TRIM44: variants seen among roughly 807,000 people sequenced by gnomAD.
TRIM44 encodes the protein tripartite motif-containing protein 44.
In TRIM44, 13 loss-of-function variants were observed where a neutral mutation model predicts 37.4. That is an observed-to-expected ratio of 0.35 (90% CI 0.23 to 0.55). The LOEUF (loss-of-function observed/expected upper bound fraction) is 0.55, where lower values mean the gene tolerates loss of function less well. Among genes scored for constraint, TRIM44 ranks in the 20% least tolerant of loss-of-function variants. The pLI is 0.89. For missense variants in TRIM44, 426 were observed against 437.2 expected (o/e 0.97, Z 0.23); for synonymous variants, 175 against 157.2 (o/e 1.11, Z -0.85).
chr11:35,714,769 TCACTTTCCACCTCC>T (rs1852018292), intron 2 of TRIM44, among the ~76,000 whole-genome samples: 1 of 152,148 alleles, frequency 6.6e-6, no homozygotes, highest in African/African-American at 2.4e-5. Context: ...ACTTTCAGTG[TCACTTTCCACCTCC>T]CACTTCTACA....
rs1281880249 is a variant in TRIM44 at position 35,816,311 on chromosome 11, C to CATACG, written c.*9926_*9927insATACG. 2 of 152,136 alleles carry CATACG rather than the reference C, an allele frequency of 1.3e-5. No homozygotes were observed. Among genetic ancestry groups the CATACG allele is most frequent in the Non-Finnish European group, 2.9e-5 (2 of 68,026 alleles). The allele number at this position is 152,136 out of a possible 1,614,324, so 9.4% of individuals were successfully genotyped here. A position where few individuals can be genotyped will look rare whatever the true frequency, so the allele number is the denominator to read the frequency against. ...AAGAGAAAATAAATAAGGTGTGGTG[C>CATACG]GTATCCATCCTCTTCCCAACTCAGC... On this transcript the variant is annotated 3_prime_UTR_variant, in exon 5 of 5. Transcript: ENST00000299413.
At chr11:35,708,805 A>C (rs112183042) in intron 2 of TRIM44, among the ~76,000 whole-genome samples, 125 of 152,126 alleles carry the variant, frequency 8.2e-4, no homozygotes, top group African/African-American at 2.9e-3. Context: ...GGATATACCT[A>C]ATGCTAAATG....
chr11:35,791,652 G>T (rs910305432), intron 4 of TRIM44, among the ~76,000 whole-genome samples: 1 of 152,110 alleles, frequency 6.6e-6, no homozygotes, highest in African/African-American at 2.4e-5. Context: ...TCAAGAGTTT[G>T]TTCAAGCTGT....
At chr11:35,686,117 T>G (rs921799178) in intron 2 of TRIM44, among the ~76,000 whole-genome samples, 9 of 151,954 alleles carry the variant, frequency 5.9e-5, no homozygotes, top group Non-Finnish European at 1.0e-4. Flanking sequence ...GTTTGGAAAC[T>G]GGTTTAAGTG....
At chr11:35,714,550 A>G (rs1852015919) in intron 2 of TRIM44, among the ~76,000 whole-genome samples, 1 of 152,148 alleles carries the variant, frequency 6.6e-6, no homozygotes, top group South Asian at 2.1e-4. Context: ...TTGTGGCAGT[A>G]TGCAGTTGTT....
intron 2 of TRIM44, among the ~76,000 whole-genome samples, chr11:35,702,486 G>A (rs1851803027): frequency 6.6e-6 from 1 of 152,176 alleles, no homozygotes; most frequent in Admixed American, 6.5e-5. Context: ...GGACATTTTT[G>A]TGTTTAAAAG....
At chr11:35,779,850 AG>A (rs1272784860) in intron 4 of TRIM44, among the ~76,000 whole-genome samples, 1 of 147,620 alleles carries the variant, frequency 6.8e-6, no homozygotes, top group East Asian at 2.0e-4. Flanking sequence ...TTTATTGAAT[AG>A]GGAGATCTTT....
At chr11:35,695,643 C>T (rs1851687613) in intron 2 of TRIM44, among the ~76,000 whole-genome samples, 1 of 152,092 alleles carries the variant, frequency 6.6e-6, no homozygotes, top group South Asian at 2.1e-4. Flanking sequence ...TTTGTGTGCT[C>T]ATGAAGTTTT....
At chr11:35,744,882 C>G (rs191442585) in intron 4 of TRIM44, among the ~76,000 whole-genome samples, 234 of 152,234 alleles carry the variant, frequency 1.5e-3, no homozygotes, top group Non-Finnish European at 3.0e-3. Context: ...CATCCATGCC[C>G]CTGAAAAGGA....
chr11:35,757,940 A>C (rs533965956), intron 4 of TRIM44, among the ~76,000 whole-genome samples: 2 of 152,290 alleles, frequency 1.3e-5, no homozygotes, highest in East Asian at 3.9e-4. Flanking sequence ...ATTTTGGAAT[A>C]GGTGTGATGT....
intron 2 of TRIM44, among the ~76,000 whole-genome samples, chr11:35,714,939 A>G (rs1469525906): frequency 1.3e-5 from 2 of 152,152 alleles, no homozygotes; most frequent in Non-Finnish European, 2.9e-5. Flanking sequence ...ACATTCTTCT[A>G]GTTTCATATT....
intron 1 of TRIM44, among the ~76,000 whole-genome samples, chr11:35,665,698 G>A (rs1024227421): frequency 6.3e-5 from 9 of 143,038 alleles, no homozygotes; most frequent in South Asian, 2.3e-4. Context: ...AGGTTCAAAC[G>A]ATTCTCCTGC....
intron 3 of TRIM44, among the ~76,000 whole-genome samples, chr11:35,732,352 G>A (rs928007132): frequency 2.0e-5 from 3 of 152,180 alleles, no homozygotes; most frequent in African/African-American, 7.2e-5. Flanking sequence ...TTTGGGAGCA[G>A]TGCTTAATCT....
chr11:35,750,236 G>T (rs1290836848), intron 4 of TRIM44, among the ~76,000 whole-genome samples: 1 of 152,158 alleles, frequency 6.6e-6, no homozygotes, highest in East Asian at 1.9e-4. Context: ...TGCAGTCCTT[G>T]TTTTCATGGC....
At chr11:35,802,103 T>C (rs71480089) in intron 4 of TRIM44, among the ~76,000 whole-genome samples, 2,565 of 152,310 alleles carry the variant, frequency 0.017, 34 homozygotes, top group Non-Finnish European at 0.027. Flanking sequence ...GCAAAGCCAA[T>C]TTTGGTGGTC....
chr11:35,744,194 C>T (rs1048963913), intron 4 of TRIM44, among the ~76,000 whole-genome samples: 4 of 152,070 alleles, frequency 2.6e-5, no homozygotes, highest in African/African-American at 9.6e-5. Context: ...ATTAGAGTAG[C>T]CAGATAAAAT....
chr11:35,674,235 C>T (rs1053927548), intron 1 of TRIM44, among the ~76,000 whole-genome samples: 38 of 149,880 alleles, frequency 2.5e-4, no homozygotes, highest in African/African-American at 9.1e-4. Context: ...AGAGAATTTG[C>T]GTGTGTGTGT....
intron 1 of TRIM44, among the ~76,000 whole-genome samples, chr11:35,683,874 A>G (rs936616028): frequency 2.0e-5 from 3 of 151,918 alleles, no homozygotes; most frequent in African/African-American, 7.3e-5. Flanking sequence ...TACAGTTCTT[A>G]CCCTTAAGGA....
chr11:35,723,885 G>C (rs1852137665), intron 2 of TRIM44, among the ~76,000 whole-genome samples: 1 of 152,120 alleles, frequency 6.6e-6, no homozygotes, highest in Admixed American at 6.5e-5. Context: ...TTTATTTCAG[G>C]AGTAGAGATC....
Sources: allele counts gnomAD v4.1 joint callset (sites outside exome capture counted in the v4.1 genomes callset), GRCh38; gene constraint gnomAD v4.1.1; transcripts MANE v1.5; gene names NCBI Gene and HGNC (gene_info 2026-07-23, HGNC 2026-07-21).